ARHGDIA: variants seen among roughly 807,000 people sequenced by gnomAD.
The protein encoded by ARHGDIA is Rho GDP dissociation inhibitor alpha, also known as rho GDP-dissociation inhibitor 1.
Under a neutral mutation model 25.0 loss-of-function variants are expected in ARHGDIA, and 9 were observed. The observed-to-expected ratio is 0.36, with a 90% CI of 0.22 to 0.63. The LOEUF (loss-of-function observed/expected upper bound fraction) is 0.63, where lower values mean the gene tolerates loss of function less well. Ranked by LOEUF, ARHGDIA falls within the 20% of genes least tolerant of loss-of-function variation. The probability of loss-of-function intolerance (pLI) is 0.69; values close to 1 mark genes in which losing one functional copy is unlikely to be tolerated. For missense variants in ARHGDIA, 239 were observed against 264.3 expected (o/e 0.90, Z 0.66); for synonymous variants, 166 against 111.5 (o/e 1.49, Z -3.08).
In ARHGDIA at chr17:81,869,186, C is replaced by T. The variant is rs1333339801; in HGVS notation, c.402G>A (p.Arg134=). 2 of 1,614,092 alleles carry T rather than the reference C, an allele frequency of 1.2e-6. No homozygotes were observed. The highest frequency in any genetic ancestry group is 1.7e-6 in the Non-Finnish European group (2 of 1,179,998). ...SGMKYIQHTY[R]KGVKIDKTDY... ...GGCCCCACTCACTCTTGACGCCTTT[C>T]CTGTACGTATGCTGGATGTACTTCA... Residue 134 remains arginine, a synonymous_variant, in exon 5 of 6, where the codon AGG becomes AGA. Coordinates refer to ENST00000269321, the MANE Select transcript of ARHGDIA (RefSeq NM_004309.6).
chr17:81,870,075 C>T (rs1318086905), intron 1 of ARHGDIA, 118 bp from the exon 2 acceptor site: 3 of 964,088 alleles, frequency 3.1e-6, no homozygotes, highest in Admixed American at 2.7e-5. Context: ...CACCTTCGCT[C>T]CTCTCCACCC....
At chr17:81,870,082 AC>A in intron 1 of ARHGDIA, 125 bp from the exon 2 acceptor site, 3 of 912,308 alleles carry the variant, frequency 3.3e-6, no homozygotes, top group Non-Finnish European at 4.8e-6. Context: ...GCTCCTCTCC[AC>A]CCCCGCGATT....
rs1472651748 is a variant in ARHGDIA, at chr17:81,867,918, G to A, written c.*958C>T. On this transcript the variant is annotated 3_prime_UTR_variant, in exon 6 of 6. Coordinates refer to ENST00000269321, the MANE Select transcript of ARHGDIA (RefSeq NM_004309.6). Reference sequence around the variant, plus strand: ...CCTGCCGGGGGTGGTGGCACTGAGAGCCTGGGGGAACAGGCGCCAGGCCAG... The same window carrying A: ...CCTGCCGGGGGTGGTGGCACTGAGAACCTGGGGGAACAGGCGCCAGGCCAG... 6.3e-6 allele frequency: 1 copy of A among 157,724 alleles called. No homozygotes were observed. Among genetic ancestry groups the A allele is most frequent in the Admixed American group, 6.5e-5 (1 of 15,446 alleles). The allele number at this position is 157,724 out of a possible 1,614,324, so 9.8% of individuals were successfully genotyped here.
Position 81,869,846 on chromosome 17 carries a change from G to C in ARHGDIA, c.85C>G (p.Pro29Ala). 2 of 1,614,138 alleles carry C rather than the reference G, an allele frequency of 1.2e-6. No homozygotes were observed. Among genetic ancestry groups the C allele is most frequent in the Non-Finnish European group, 1.7e-6 (2 of 1,180,020 alleles). ...EEDEHSVNYK[P>A]PAQKSIQEIQ... is the part of the protein sequence containing the mutation. ...TCCTGGATGCTCTTCTGGGCCGGGGGCTTGTAGTTGACCGAGTGCTCATCC... is the reference window on the plus strand; with the variant it reads ...TCCTGGATGCTCTTCTGGGCCGGGGCCTTGTAGTTGACCGAGTGCTCATCC... The change falls in exon 2 of 6, where the codon CCC (proline) becomes GCC (alanine). Residue 29 changes from proline (P) to alanine (A), a missense_variant. Coordinates refer to ENST00000269321, the MANE Select transcript of ARHGDIA (RefSeq NM_004309.6).
In ARHGDIA at chr17:81,869,570, G is replaced by A. The variant is rs1474480715; in HGVS notation, c.246C>T (p.Ala82=). 6.5e-7 allele frequency: 1 copy of A among 1,548,866 alleles called. No homozygotes were observed. Among genetic ancestry groups the A allele is most frequent in the Non-Finnish European group, 8.7e-7 (1 of 1,150,824 alleles). ...TCAGGTCCAGCTCCAGGGGGCCCGG[G>A]GCCGAGCTGCACACCAGGGTCAGGC... ...VTGLTLVCSS[A]PGPLELDLTG... The change falls in exon 3 of 6, where the codon GCC becomes GCT. Residue 82 remains alanine (A), a synonymous_variant. Transcript: ENST00000269321.
rs2039131125 is a variant in ARHGDIA at position 81,868,522 on chromosome 17, C to T, written c.*354G>A. 1 of 1,531,296 alleles carries T rather than the reference C, an allele frequency of 6.5e-7. No homozygotes were observed. Among genetic ancestry groups the T allele is most frequent in the Admixed American group, 2.0e-5 (1 of 50,714 alleles). 94.9% of individuals were successfully genotyped at this position (1,531,296 alleles called of 1,614,324 possible). On this transcript the variant is annotated 3_prime_UTR_variant, in exon 6 of 6. Coordinates refer to ENST00000269321, the MANE Select transcript of ARHGDIA (RefSeq NM_004309.6). ...ACACGTCCAGGGGCAACCACGGGGC[C>T]TGGAGAATGGCTGCTCCGCTCCCTC...
Position 81,868,442 on chromosome 17 carries a change from GCCC to G in ARHGDIA, c.*431_*433del. 1 of 1,475,828 alleles carries G rather than the reference GCCC, an allele frequency of 6.8e-7. No homozygotes were observed. Among genetic ancestry groups the G allele is most frequent in the Non-Finnish European group, 9.0e-7 (1 of 1,116,322 alleles). 91.4% of individuals were successfully genotyped at this position (1,475,828 alleles called of 1,614,324 possible). On this transcript the variant is annotated 3_prime_UTR_variant, in exon 6 of 6. Coordinates refer to ENST00000269321, the MANE Select transcript of ARHGDIA (RefSeq NM_004309.6). ...AGCAGCGGGGCTGGAGGACGGCCCG[GCCC>G]CCACGAGGCCGTGCATCCCACACCC...
rs1431667638 is a variant in ARHGDIA, at chr17:81,868,813, G to T, written c.*63C>A. On this transcript the variant is annotated 3_prime_UTR_variant, in exon 6 of 6. Transcript: ENST00000269321. Reference sequence around the variant, plus strand: ...TTGGTATGGGGAGGGGAGGGGCTGGGGGGGACACATCCGCCTGTCCGTCGT... The same window carrying T: ...TTGGTATGGGGAGGGGAGGGGCTGGTGGGGACACATCCGCCTGTCCGTCGT... 6.2e-7 allele frequency: 1 copy of T among 1,606,860 alleles called. No individual in the cohort carries two copies. The highest frequency in any genetic ancestry group is 1.7e-5 in the Admixed American group (1 of 59,240).
At chr17:81,870,430 T>C (rs1447638335) in intron 1 of ARHGDIA, among the ~76,000 whole-genome samples, 1 of 152,192 alleles carries the variant, frequency 6.6e-6, no homozygotes, top group Non-Finnish European at 1.5e-5. Context: ...CAGCGTCATC[T>C]TTCAAACAGG....
In ARHGDIA at chr17:81,868,286, G is replaced by A. The variant is rs753509982; in HGVS notation, c.*590C>T. The stretch of plus-strand genomic sequence containing the variant: ...CCTGGGTCACTGGGTTCGCCACCGG[G>A]GAAGGGACGGGGAGGCCACATGCTC... On this transcript the variant is annotated 3_prime_UTR_variant, in exon 6 of 6. Transcript: ENST00000269321. 17 of 1,334,148 alleles carry A rather than the reference G, an allele frequency of 1.3e-5. No homozygotes were observed. The East Asian group carries it at 3.1e-4, about 25-fold the overall frequency. 82.6% of individuals were successfully genotyped at this position (1,334,148 alleles called of 1,614,324 possible).
rs1159412822 is a variant in ARHGDIA, at chr17:81,867,898, CGG to C, written c.*976_*977del. The C allele has an allele frequency of 1.3e-5, 2 of 156,230 alleles. No homozygotes were observed. Among genetic ancestry groups the C allele is most frequent in the African/African-American group, 4.8e-5 (2 of 41,522 alleles). The allele number at this position is 156,230 out of a possible 1,614,324, so 9.7% of individuals were successfully genotyped here. A position where few individuals can be genotyped will look rare whatever the true frequency, so the allele number is the denominator to read the frequency against. On this transcript the variant is annotated 3_prime_UTR_variant, in exon 6 of 6. Coordinates refer to ENST00000269321, the MANE Select transcript of ARHGDIA (RefSeq NM_004309.6). ...CCTGGCTGGGTCAGGGAAGGCCTGC[CGG>C]GGGTGGTGGCACTGAGAGCCTGGGG...
Position 81,868,809 on chromosome 17 carries a change from CTGGGGGGG to C in ARHGDIA, c.*59_*66del. On this transcript the variant is annotated 3_prime_UTR_variant, in exon 6 of 6. Transcript: ENST00000269321. ...CACTTTGGTATGGGGAGGGGAGGGG[CTGGGGGGG>C]ACACATCCGCCTGTCCGTCGTCCGT... is the stretch of plus-strand genomic sequence containing the variant. The C allele has an allele frequency of 1.3e-6, 1 of 781,128 alleles. No homozygotes were observed. The highest frequency in any genetic ancestry group is 2.0e-6 in the Non-Finnish European group (1 of 503,166). 48.4% of individuals were successfully genotyped at this position (781,128 alleles called of 1,614,324 possible).
chr17:81,869,507 G>C, intron 3 of ARHGDIA, 35 bp downstream of exon 3: 2 of 1,607,624 alleles, frequency 1.2e-6, no homozygotes, highest in Non-Finnish European at 1.7e-6. Flanking sequence ...CCCCACCAGG[G>C]GCCGCCCGGA....
rs892436391 is a variant in ARHGDIA, at chr17:81,868,147, C to G, written c.*729G>C. 1.2e-5 allele frequency: 6 copies of G among 495,530 alleles called. No individual in the cohort carries two copies. Among genetic ancestry groups the G allele is most frequent in the Admixed American group, 3.6e-5 (1 of 27,476 alleles). 30.7% of individuals were successfully genotyped at this position (495,530 alleles called of 1,614,324 possible). ...GGTACTGAGGTGACTTGAGTTTTGG[C>G]AATTTGGCTTTCCCCAAGCCGCCGG... On this transcript the variant is annotated 3_prime_UTR_variant, in exon 6 of 6. Transcript: ENST00000269321.
At position 81,868,810 on chromosome 17, in the gene ARHGDIA, TG is replaced by T. The variant is rs757131763; in HGVS notation, c.*65del. The T allele has an allele frequency of 2.9e-4, 127 of 437,590 alleles. 1 individual carries two copies. The highest frequency in any genetic ancestry group is 1.3e-3 in the East Asian group (18 of 13,668). 27.1% of individuals were successfully genotyped at this position (437,590 alleles called of 1,614,324 possible). On this transcript the variant is annotated 3_prime_UTR_variant, in exon 6 of 6. Transcript: ENST00000269321. ...ACTTTGGTATGGGGAGGGGAGGGGC[TG>T]GGGGGGACACATCCGCCTGTCCGTC...
chr17:81,869,065 A>C lies in ARHGDIA; in HGVS notation c.426T>G (p.Thr142=). Reference sequence around the variant, plus strand: ...GCCCATAGCTGCCTACCATGTAGTCAGTCTTGTCAACTGCGGCACAAGGAA... The same window carrying C: ...GCCCATAGCTGCCTACCATGTAGTCCGTCTTGTCAACTGCGGCACAAGGAA... ...TYRKGVKIDK[T]DYMVGSYGPR... Residue 142 remains threonine (T), a synonymous_variant, in exon 6 of 6, where the codon ACT becomes ACG. Transcript: ENST00000269321. 6.2e-7 allele frequency: 1 copy of C among 1,612,524 alleles called. No homozygotes were observed. The highest frequency in any genetic ancestry group is 1.1e-5 in the South Asian group (1 of 91,028).
At position 81,868,575 on chromosome 17, in the gene ARHGDIA, G is replaced by C; in HGVS notation, c.*301C>G. 1 of 1,535,462 alleles carries C rather than the reference G, an allele frequency of 6.5e-7. No homozygotes were observed. The highest frequency in any genetic ancestry group is 8.7e-7 in the Non-Finnish European group (1 of 1,146,684). ...GAAGCCAGGCCTCGGGTGTGACGGG[G>C]AGATAGAACCTGGGGGGCACAGAAA... On this transcript the variant is annotated 3_prime_UTR_variant, in exon 6 of 6. Transcript: ENST00000269321.
In ARHGDIA at chr17:81,868,167, C is replaced by T. The variant is rs764688742; in HGVS notation, c.*709G>A. 41 of 540,722 alleles carry T rather than the reference C, an allele frequency of 7.6e-5. No individual in the cohort carries two copies. Among genetic ancestry groups the T allele is most frequent in the East Asian group, 5.1e-4 (17 of 33,016 alleles). 33.5% of individuals were successfully genotyped at this position (540,722 alleles called of 1,614,324 possible). On this transcript the variant is annotated 3_prime_UTR_variant, in exon 6 of 6. Coordinates refer to ENST00000269321, the MANE Select transcript of ARHGDIA (RefSeq NM_004309.6). ...TTTGGCAATTTGGCTTTCCCCAAGC[C>T]GCCGGAGCCATCTCCACAGCCCTGT...
chr17:81,870,460 G>A (rs1342486015), intron 1 of ARHGDIA, among the ~76,000 whole-genome samples: 2 of 152,226 alleles, frequency 1.3e-5, no homozygotes, highest in Non-Finnish European at 2.9e-5. Context: ...GAGCTCGGAT[G>A]TTAGGGGCAG....
Sources: gnomAD v4.1 joint callset for allele counts (sites outside exome capture counted in the v4.1 genomes callset) on GRCh38, gnomAD v4.1.1 for gene constraint, MANE v1.5 for transcripts, NCBI Gene and HGNC (gene_info 2026-07-23, HGNC 2026-07-21) for gene names.